SGK3: variants seen among roughly 807,000 people sequenced by gnomAD.
SGK3 encodes serum/glucocorticoid regulated kinase family member 3.
SGK3 carries 47 observed loss-of-function variants against 68.5 expected under a neutral mutation model. That is an observed-to-expected ratio of 0.69 (90% confidence interval 0.54 to 0.87). The LOEUF (loss-of-function observed/expected upper bound fraction) is 0.87, where lower values mean the gene tolerates loss of function less well. SGK3 is among the 40% of genes least tolerant of loss of function. SGK3 has a pLI of 0.00. For synonymous variants in SGK3, 181 were observed against 189.1 expected (o/e 0.96, Z 0.35); for missense variants, 479 against 575.5 (o/e 0.83, Z 1.72).
intron 7 of SGK3, among the ~76,000 whole-genome samples, chr8:66,829,987 C>G (rs1285719460): frequency 1.3e-5 from 2 of 151,644 alleles, no homozygotes; most frequent in African/African-American, 4.8e-5. Context: ...CCTGAGCCTT[C>G]TGAGTACCTG....
At chr8:66,758,002 C>T (rs941015834) in intron 1 of SGK3, among the ~76,000 whole-genome samples, 2 of 143,032 alleles carry the variant, frequency 1.4e-5, no homozygotes, top group Non-Finnish European at 3.0e-5. Context: ...TATATATACA[C>T]ACACACACTA....
rs1253583314 is a variant in SGK3 at position 66,793,740 on chromosome 8, C to G, written c.4C>G (p.Gln2Glu). 2 of 1,612,524 alleles carry G rather than the reference C, an allele frequency of 1.2e-6. No individual in the cohort carries two copies. The highest frequency in any genetic ancestry group is 1.7e-5 in the Admixed American group (1 of 59,950). MQRDHTMDYKES... is the reference protein window; with the variant it reads MERDHTMDYKES... ...TGGTGTGCTCTTGAGGGATTAAATG[C>G]AAAGAGATCACACCATGGACTACAA... Residue 2 changes from glutamine to glutamate, a missense_variant, in exon 2 of 17, where the codon CAA (glutamine) becomes GAA (glutamate). Gln to Glu is a conservative substitution (Grantham distance 29). This residue lies in a region of SGK3 where 298 missense variants were observed against 329.4 expected (regional missense o/e 0.90). Transcript: ENST00000521198.
At chr8:66,825,223 A>G (rs1809003779) in intron 6 of SGK3, among the ~76,000 whole-genome samples, 1 of 151,900 alleles carries the variant, frequency 6.6e-6, no homozygotes, top group South Asian at 2.1e-4. Flanking sequence ...AGTGTCTGAA[A>G]CTTCCACTAG....
intron 4 of SGK3, among the ~76,000 whole-genome samples, chr8:66,811,962 A>G (rs919726895): frequency 2.0e-5 from 3 of 152,232 alleles, no homozygotes; most frequent in African/African-American, 4.8e-5. Context: ...TCTTCAAGGA[A>G]TTCTTAGACG....
intron 1 of SGK3, among the ~76,000 whole-genome samples, chr8:66,744,510 TATA>T (rs1805578588): frequency 3.9e-4 from 12 of 30,690 alleles, no homozygotes; most frequent in Admixed American, 7.8e-4. Context: ...TATATATATA[TATA>T]TATATATTTT....
chr8:66,720,697 G>C (rs189590792), intron 1 of SGK3, among the ~76,000 whole-genome samples: 13 of 151,932 alleles, frequency 8.6e-5, no homozygotes, highest in African/African-American at 3.1e-4. Flanking sequence ...TTGAACCCGG[G>C]AGGTGGAGGT....
chr8:66,827,797 G>C (rs1303876077), intron 6 of SGK3, among the ~76,000 whole-genome samples: 1 of 152,130 alleles, frequency 6.6e-6, no homozygotes, highest in African/African-American at 2.4e-5. Flanking sequence ...AGAAAAGCCT[G>C]TATAAAATGT....
At chr8:66,837,648 G>A (rs1278952604) in intron 10 of SGK3, among the ~76,000 whole-genome samples, 2 of 152,144 alleles carry the variant, frequency 1.3e-5, no homozygotes, top group Non-Finnish European at 2.9e-5. Context: ...GCTGGGCATG[G>A]TGACATGCCT....
intron 5 of SGK3, among the ~76,000 whole-genome samples, chr8:66,814,344 A>G (rs1235685716): frequency 9.2e-5 from 14 of 152,214 alleles, no homozygotes; most frequent in African/African-American, 2.9e-4. Context: ...ATAAACAAGT[A>G]ATTGAAGCTG....
intron 1 of SGK3, among the ~76,000 whole-genome samples, chr8:66,759,860 C>T (rs1806101511): frequency 2.0e-5 from 3 of 152,098 alleles, no homozygotes; most frequent in Admixed American, 6.5e-5. Flanking sequence ...GCTGAGATTA[C>T]AGGCATGAGC....
chr8:66,729,144 A>T (rs772955208), intron 1 of SGK3, among the ~76,000 whole-genome samples: 3 of 147,542 alleles, frequency 2.0e-5, no homozygotes, highest in Non-Finnish European at 4.5e-5. Flanking sequence ...GAATGAACCC[A>T]GGAGGCGGAG....
chr8:66,786,169 G>C lies in SGK3; in HGVS notation c.-121-7447G>C, dbSNP rs527725847. On this transcript the variant is annotated intron_variant, in intron 1 of 16. Transcript: ENST00000521198. ...TGTACTACATGTATAGTAATAGCAG[G>C]GTTGCTTTTTCATTTTACTTTTAAT... Among the ~76,000 whole-genome samples, 361 of 151,808 alleles carry C rather than the reference G, an allele frequency of 2.4e-3. 1 individual carries two copies. Among genetic ancestry groups the C allele is most frequent in the African/African-American group, 8.5e-3 (351 of 41,132 alleles).
At chr8:66,835,187 C>G (rs1304935810) in intron 8 of SGK3, among the ~76,000 whole-genome samples, 1 of 152,092 alleles carries the variant, frequency 6.6e-6, no homozygotes, top group East Asian at 1.9e-4. Context: ...GGATGATCAC[C>G]TGAGCCTTGG....
At chr8:66,773,120 G>A (rs1806569660) in intron 1 of SGK3, among the ~76,000 whole-genome samples, 1 of 152,190 alleles carries the variant, frequency 6.6e-6, no homozygotes, top group African/African-American at 2.4e-5. Flanking sequence ...TACAGTGGGA[G>A]GGATGTTAGT....
intron 1 of SGK3, among the ~76,000 whole-genome samples, chr8:66,769,044 C>A (rs1396088091): frequency 6.6e-6 from 1 of 152,092 alleles, no homozygotes; most frequent in Non-Finnish European, 1.5e-5. Flanking sequence ...CAATTCATTG[C>A]ACTTGTCAGA....
At chr8:66,852,482 A>T (rs953428683) in intron 16 of SGK3, among the ~76,000 whole-genome samples, 33 of 151,968 alleles carry the variant, frequency 2.2e-4, no homozygotes, top group Admixed American at 6.6e-5. Context: ...GGGTTTCACC[A>T]TGTTGGCCAG....
At chr8:66,847,015 T>C (rs973093904) in intron 14 of SGK3, among the ~76,000 whole-genome samples, 178 bp from the exon 15 acceptor site, 10 of 152,196 alleles carry the variant, frequency 6.6e-5, no homozygotes, top group African/African-American at 2.4e-4. Flanking sequence ...TTAAGCTCTG[T>C]GATGTGTTCG....
intron 3 of SGK3, among the ~76,000 whole-genome samples, chr8:66,801,042 C>T (rs1202942481): frequency 6.6e-6 from 1 of 152,180 alleles, no homozygotes; most frequent in Non-Finnish European, 1.5e-5. Context: ...CTGTTTTCTT[C>T]TGTTCTTTAG....
intron 2 of SGK3, among the ~76,000 whole-genome samples, chr8:66,795,336 C>G (rs1232211431): frequency 6.6e-6 from 1 of 152,208 alleles, no homozygotes; most frequent in Non-Finnish European, 1.5e-5. Flanking sequence ...ACCATTGACC[C>G]CTTCTCAGCC....
Sources: gnomAD v4.1 joint callset for allele counts (sites outside exome capture counted in the v4.1 genomes callset) on GRCh38, gnomAD v4.1.1 for gene constraint, gnomAD v4.1.1 regional missense constraint, MANE v1.5 for transcripts, NCBI Gene and HGNC (gene_info 2026-07-23, HGNC 2026-07-21) for gene names.